ATP8A1: variants seen among roughly 807,000 people sequenced by gnomAD.
ATP8A1 encodes the protein phospholipid-transporting ATPase IA.
ATP8A1 carries 90 observed loss-of-function variants against 177.7 expected under a neutral mutation model. The ratio of observed to expected loss-of-function variants is 0.51; its 90% CI spans 0.43 to 0.60. The LOEUF is 0.60. Among genes scored for constraint, ATP8A1 ranks in the 20% least tolerant of loss-of-function variants. ATP8A1 has a pLI of 0.00. For synonymous variants in ATP8A1, 493 were observed against 485.9 expected, an observed-to-expected ratio of 1.01 and a Z score of -0.19; for missense variants, 1,072 against 1,392.8, an observed-to-expected ratio of 0.77 and a Z score of 3.67.
intron 32 of ATP8A1, 51 bp from the exon 33 acceptor site, chr4:42,443,723 A>C (rs769935963): frequency 1.3e-6 from 1 of 794,706 alleles, no homozygotes; most frequent in Non-Finnish European, 2.2e-6. Flanking sequence ...GACCGAGTAC[A>C]CAAATACTAA....
chr4:42,487,906 T>A (rs1299066312), intron 24 of ATP8A1, among the ~76,000 whole-genome samples: 2 of 152,146 alleles, frequency 1.3e-5, no homozygotes. Flanking sequence ...AGGACCACCA[T>A]ATAGCAGCAT....
intron 30 of ATP8A1, among the ~76,000 whole-genome samples, chr4:42,448,121 T>C (rs1452891320): frequency 6.6e-6 from 1 of 152,126 alleles, no homozygotes; most frequent in East Asian, 1.9e-4. Context: ...CATGGTAATA[T>C]AAATGACAGG....
At chr4:42,414,323 CAG>C (rs1437736641) in intron 36 of ATP8A1, among the ~76,000 whole-genome samples, 1 of 152,134 alleles carries the variant, frequency 6.6e-6, no homozygotes, top group African/African-American at 2.4e-5. Context: ...GATAACAAGA[CAG>C]GGGCAGCTTT....
rs1553890683 is a variant in ATP8A1, at chr4:42,507,798, A to ACAAAAC, written c.1948-645_1948-644insGTTTTG. Among the ~76,000 whole-genome samples, 859 of 124,732 alleles carry ACAAAAC rather than the reference A, an allele frequency of 6.9e-3. 21 individuals are homozygous for ACAAAAC. The highest frequency in any genetic ancestry group is 0.021 in the African/African-American group (810 of 37,908). 81.8% of individuals were successfully genotyped at this position (124,732 alleles called of 152,430 possible). A position where few individuals can be genotyped will look rare whatever the true frequency, so the allele number is the denominator to read the frequency against. On this transcript the variant is annotated intron_variant, in intron 22 of 36. Coordinates refer to ENST00000381668, the MANE Select transcript of ATP8A1 (RefSeq NM_006095.2). ...GGCATTCTAAAAAAAAAAAAAAAAA[A>ACAAAAC]AAAAAAAAAAACATACAAACAGCTA...
chr4:42,627,032 G>A lies in ATP8A1; in HGVS notation c.127C>T (p.Gln43Ter). 1.2e-6 allele frequency: 2 copies of A among 1,614,042 alleles called. No individual in the cohort carries two copies. Among genetic ancestry groups the A allele is most frequent in the Non-Finnish European group, 1.7e-6 (2 of 1,179,962 alleles). ...QEEVRTIFIN[Q>*]PQLTKFCNNH... ...TTGCAGAATTTTGTCAGCTGGGGCTGGTTGATGAAAATAGTCCTTACTTCC... is the reference window on the plus strand; with the variant it reads ...TTGCAGAATTTTGTCAGCTGGGGCTAGTTGATGAAAATAGTCCTTACTTCC... The change falls in exon 2 of 37, where the codon CAG becomes TAG. Residue 43 changes from glutamine to a stop codon, truncating the protein, a stop_gained. Transcript: ENST00000381668. LOFTEE classifies it high-confidence loss of function.
chr4:42,511,160 C>A (rs1397194026), intron 22 of ATP8A1, among the ~76,000 whole-genome samples: 1 of 152,132 alleles, frequency 6.6e-6, no homozygotes, highest in African/African-American at 2.4e-5. Context: ...TTTCCTTTTG[C>A]CCTGGTATCA....
At position 42,443,659 on chromosome 4, in the gene ATP8A1, G is replaced by A. The variant is rs1055141971; in HGVS notation, c.3029C>T (p.Ala1010Val). ...CCAGAGTGCGATGCTCCCCCATATC[G>A]CTATGTGGCTGAACTGTAGAGCAAG... ...TSYWTWFSHI[A>V]IWGSIALWVV... Residue 1010 changes from alanine (A) to valine (V), a missense_variant, in exon 33 of 37, where the codon GCG becomes GTG. This residue lies in a region of ATP8A1 where 316 missense variants were observed against 459.1 expected (regional missense o/e 0.69). Transcript: ENST00000381668. 6.0e-6 allele frequency: 9 copies of A among 1,504,898 alleles called. No homozygotes were observed. Among genetic ancestry groups the A allele is most frequent in the East Asian group, 2.3e-5 (1 of 44,386 alleles). The allele number at this position is 1,504,898 out of a possible 1,614,324, so 93.2% of individuals were successfully genotyped here. A position where few individuals can be genotyped will look rare whatever the true frequency, so the allele number is the denominator to read the frequency against.
Position 42,414,807 on chromosome 4 carries a change from TAAAC to T in ATP8A1, c.3306-93_3306-90del, listed in dbSNP as rs1713045117. The T allele has an allele frequency of 4.3e-6, 4 of 921,002 alleles. No individual in the cohort carries two copies. In the African/African-American group the frequency reaches 6.5e-5, roughly 15 times the overall value. The allele number at this position is 921,002 out of a possible 1,614,324, so 57.1% of individuals were successfully genotyped here. On this transcript the variant is annotated intron_variant, in intron 35 of 36. Coordinates refer to ENST00000381668, the MANE Select transcript of ATP8A1 (RefSeq NM_006095.2). ...CAGGACCACCAAAGAGAGTTAGACT[TAAAC>T]AAAAGATTGCTCGAGAAATCCGTAG...
At chr4:42,441,424 G>C (rs1370639783) in intron 33 of ATP8A1, among the ~76,000 whole-genome samples, 1 of 152,024 alleles carries the variant, frequency 6.6e-6, no homozygotes, top group Non-Finnish European at 1.5e-5. Flanking sequence ...ATAGACCTAA[G>C]AGTAGTCACT....
At chr4:42,534,751 C>G (rs1490653145) in intron 20 of ATP8A1, among the ~76,000 whole-genome samples, 1 of 152,084 alleles carries the variant, frequency 6.6e-6, no homozygotes, top group Non-Finnish European at 1.5e-5. Context: ...ATCTTAAGAG[C>G]TATGAGGCAA....
intron 22 of ATP8A1, among the ~76,000 whole-genome samples, chr4:42,521,075 C>T (rs17630754): frequency 0.13 from 20,181 of 152,114 alleles, 1,685 homozygotes; most frequent in East Asian, 0.26. Flanking sequence ...AGAGGCACGA[C>T]GAAGTACACA....
At chr4:42,627,325 A>G (rs1738214187) in intron 1 of ATP8A1, among the ~76,000 whole-genome samples, 1 of 152,224 alleles carries the variant, frequency 6.6e-6, no homozygotes, top group African/African-American at 2.4e-5. Context: ...GAGCCATATC[A>G]AAAACAAGAC....
chr4:42,576,299 G>A (rs946703691), intron 12 of ATP8A1, among the ~76,000 whole-genome samples: 3 of 151,244 alleles, frequency 2.0e-5, no homozygotes, highest in East Asian at 1.9e-4. Flanking sequence ...GTGAAACCCC[G>A]TCTCTACTAA....
chr4:42,573,705 TTTAC>T (rs1332424786), intron 14 of ATP8A1, among the ~76,000 whole-genome samples: 2 of 152,172 alleles, frequency 1.3e-5, no homozygotes, highest in Non-Finnish European at 2.9e-5. Flanking sequence ...TCATGAAATG[TTTAC>T]TTATTTATAA....
intron 9 of ATP8A1, among the ~76,000 whole-genome samples, chr4:42,585,811 A>G (rs1024352196): frequency 3.3e-5 from 5 of 152,028 alleles, no homozygotes; most frequent in African/African-American, 9.7e-5. Context: ...AAGAAACAAG[A>G]GAGGCAGGAA....
chr4:42,644,377 G>A (rs1344414721), intron 1 of ATP8A1, among the ~76,000 whole-genome samples: 1 of 152,098 alleles, frequency 6.6e-6, no homozygotes, highest in Non-Finnish European at 1.5e-5. Flanking sequence ...AACGTTAAAC[G>A]AAGAGACAGA....
At chr4:42,447,762 T>C (rs1465320256) in intron 30 of ATP8A1, among the ~76,000 whole-genome samples, 1 of 152,230 alleles carries the variant, frequency 6.6e-6, no homozygotes, top group East Asian at 1.9e-4. Flanking sequence ...TTTAGTTCTA[T>C]TACTATTAAC....
intron 27 of ATP8A1, among the ~76,000 whole-genome samples, chr4:42,459,950 C>T (rs1407596694): frequency 6.6e-6 from 1 of 152,040 alleles, no homozygotes; most frequent in East Asian, 1.9e-4. Context: ...TGCCACCACG[C>T]CTGGCTAATT....
At chr4:42,433,759 G>A (rs887950459) in intron 33 of ATP8A1, among the ~76,000 whole-genome samples, 1 of 151,836 alleles carries the variant, frequency 6.6e-6, no homozygotes, top group Admixed American at 6.6e-5. Context: ...AGCTGAAAAA[G>A]GGGTTATCAT....
Sources: gnomAD v4.1 joint callset for allele counts (sites outside exome capture counted in the v4.1 genomes callset) on GRCh38, gnomAD v4.1.1 for gene constraint, gnomAD v4.1.1 regional missense constraint, MANE v1.5 for transcripts, NCBI Gene and HGNC (gene_info 2026-07-23, HGNC 2026-07-21) for gene names.